Variants in SLCO2B1 observed in about 807,000 individuals in gnomAD.
SLCO2B1 encodes the protein solute carrier organic anion transporter family member 2B1, also known as OATP-RP2.
A neutral mutation model predicts 67.3 loss-of-function variants in SLCO2B1; 41 were observed. The observed-to-expected ratio is 0.61, with a 90% CI of 0.47 to 0.79. The LOEUF is 0.79. Among genes scored for constraint, SLCO2B1 ranks in the 30% least tolerant of loss-of-function variants. The pLI is 0.00. For missense variants in SLCO2B1, 837 were observed against 920.1 expected (o/e 0.91, Z 1.17); for synonymous variants, 379 against 381.4 (o/e 0.99, Z 0.07).
intron 10 of SLCO2B1, among the ~76,000 whole-genome samples, chr11:75,197,856 G>T (rs73488755): frequency 0.13 from 19,706 of 152,148 alleles, 2,722 homozygotes; most frequent in African/African-American, 0.34. Flanking sequence ...TCTTAGGAGG[G>T]CTAAGACCAG....
chr11:75,178,121 A>G (rs1950048880), intron 7 of SLCO2B1, among the ~76,000 whole-genome samples: 1 of 151,674 alleles, frequency 6.6e-6, no homozygotes, highest in Non-Finnish European at 1.5e-5. Context: ...AAAAAACAAA[A>G]CTCCAAACGC....
intron 1 of SLCO2B1, among the ~76,000 whole-genome samples, chr11:75,155,589 C>T (rs1400874832): frequency 6.6e-6 from 1 of 152,174 alleles, no homozygotes; most frequent in African/African-American, 2.4e-5. Flanking sequence ...TCCCAAGTAG[C>T]GGGGATTACA....
intron 2 of SLCO2B1, chr11:75,163,072 G>T (rs1046218879): frequency 3.2e-5 from 9 of 276,968 alleles, no homozygotes; most frequent in African/African-American, 2.0e-4. Context: ...AAACAGAGAA[G>T]TGCCCTGGGG....
intron 1 of SLCO2B1, among the ~76,000 whole-genome samples, chr11:75,153,851 T>C (rs1294110725): frequency 6.6e-6 from 1 of 151,396 alleles, no homozygotes; most frequent in Non-Finnish European, 1.5e-5. Context: ...GAGGAGGAAG[T>C]GGCCCTGCTT....
Position 75,184,163 on chromosome 11 carries a change from G to C in SLCO2B1, c.973-3973G>C, listed in dbSNP as rs149880971. On this transcript the variant is annotated intron_variant, in intron 7 of 13. Coordinates refer to ENST00000289575, the MANE Select transcript of SLCO2B1 (RefSeq NM_007256.5). Reference sequence around the variant, plus strand: ...TTTTTTCCCCCAAAAGCCTGGCATTGGCTATACCCACTTCTGGTTAGAACC... The same window carrying C: ...TTTTTTCCCCCAAAAGCCTGGCATTCGCTATACCCACTTCTGGTTAGAACC... 1.8e-3 allele frequency among the ~76,000 whole-genome samples: 271 copies of C among 152,226 alleles called. 3 individuals are homozygous for C. Among genetic ancestry groups the C allele is most frequent in the African/African-American group, 6.4e-3 (264 of 41,526 alleles).
intron 4 of SLCO2B1, among the ~76,000 whole-genome samples, chr11:75,167,142 C>A (rs1416762956): frequency 1.3e-5 from 2 of 152,076 alleles, no homozygotes; most frequent in African/African-American, 4.8e-5. Flanking sequence ...GAGGAGGTGG[C>A]ACTTGAGCTG....
In SLCO2B1 at chr11:75,169,159, T is replaced by C. The variant is rs1193749731; in HGVS notation, c.449-14T>C. The C allele has an allele frequency of 3.8e-6, 6 of 1,595,934 alleles. No homozygotes were observed. The South Asian group carries it at 5.5e-5, about 15-fold the overall frequency. ...TAGCTATTGTTATAATATTTTTTCA[T>C]TGTCGTCTCTCAGAGGATATGCCAC... On this transcript the variant is annotated splice_polypyrimidine_tract_variant and intron_variant, in intron 4 of 13. Coordinates refer to ENST00000289575, the MANE Select transcript of SLCO2B1 (RefSeq NM_007256.5).
intron 6 of SLCO2B1, among the ~76,000 whole-genome samples, chr11:75,170,788 T>C (rs1011665987): frequency 7.2e-5 from 11 of 152,098 alleles, no homozygotes; most frequent in African/African-American, 2.7e-4. Context: ...CTCCCTCCCC[T>C]GAAAGAAAAG....
At chr11:75,181,618 T>C (rs1950092886) in intron 7 of SLCO2B1, among the ~76,000 whole-genome samples, 1 of 152,098 alleles carries the variant, frequency 6.6e-6, no homozygotes, top group South Asian at 2.1e-4. Flanking sequence ...AGCCTTCTTT[T>C]AATAGGAACT....
intron 7 of SLCO2B1, 128 bp from the exon 8 acceptor site, chr11:75,188,008 T>C (rs1251294725): frequency 8.2e-6 from 5 of 611,412 alleles, no homozygotes; most frequent in Non-Finnish European, 1.2e-5. Flanking sequence ...CAGGCCTCAA[T>C]TGCTCCTGAA....
chr11:75,188,964 G>T (rs1340161771), intron 8 of SLCO2B1, among the ~76,000 whole-genome samples: 2 of 152,194 alleles, frequency 1.3e-5, no homozygotes, highest in African/African-American at 4.8e-5. Context: ...AGGCCATCGG[G>T]AAATTGTCAA....
chr11:75,166,348 C>T (rs778627904), intron 4 of SLCO2B1, among the ~76,000 whole-genome samples: 1 of 152,082 alleles, frequency 6.6e-6, no homozygotes, highest in South Asian at 2.1e-4. Context: ...TGTGTAGTCA[C>T]GCATTTAATC....
At chr11:75,182,506 G>A (rs998884406) in intron 7 of SLCO2B1, among the ~76,000 whole-genome samples, 2 of 152,230 alleles carry the variant, frequency 1.3e-5, no homozygotes, top group Non-Finnish European at 2.9e-5. Flanking sequence ...ACTTTGGGAT[G>A]CCAAGGCGGC....
intron 7 of SLCO2B1, among the ~76,000 whole-genome samples, chr11:75,174,838 A>G (rs2140318645): frequency 6.6e-6 from 1 of 152,226 alleles, no homozygotes; most frequent in South Asian, 2.1e-4. Context: ...ACAGAAGCAA[A>G]GTTTAGGGGT....
intron 7 of SLCO2B1, among the ~76,000 whole-genome samples, chr11:75,185,628 G>A (rs1355364299): frequency 1.3e-5 from 2 of 151,488 alleles, no homozygotes; most frequent in African/African-American, 4.9e-5. Flanking sequence ...CCCAAGAGAG[G>A]GTTCTCGGCT....
chr11:75,186,720 A>C lies in SLCO2B1; in HGVS notation c.973-1416A>C, dbSNP rs557377581. Among the ~76,000 whole-genome samples the C allele has an allele frequency of 6.6e-5, 10 of 152,306 alleles. No individual in the cohort carries two copies. The East Asian group carries it at 1.9e-3, about 29-fold the overall frequency. On this transcript the variant is annotated intron_variant, in intron 7 of 13. Coordinates refer to ENST00000289575, the MANE Select transcript of SLCO2B1 (RefSeq NM_007256.5). ...TGACCTCAGCCTACATAGCAAAATA[A>C]CTAAATTACACTCCACTTGCCCACT...
At chr11:75,163,361 G>T (rs1949846539) in intron 2 of SLCO2B1, among the ~76,000 whole-genome samples, 1 of 152,098 alleles carries the variant, frequency 6.6e-6, no homozygotes. Flanking sequence ...AATTCTCTTA[G>T]AGTTTCAGGA....
At chr11:75,190,126 G>A (rs1252726883) in intron 8 of SLCO2B1, among the ~76,000 whole-genome samples, 1 of 152,216 alleles carries the variant, frequency 6.6e-6, no homozygotes, top group Non-Finnish European at 1.5e-5. Context: ...ATGCTATTAG[G>A]TCCCCGGCAC....
chr11:75,159,866 G>A, intron 1 of SLCO2B1: 8 of 985,846 alleles, frequency 8.1e-6, no homozygotes, highest in Non-Finnish European at 9.6e-6. Context: ...TTCAGGGAGA[G>A]CCAGAGGTGA....
Sources: gnomAD v4.1 joint callset for allele counts (sites outside exome capture counted in the v4.1 genomes callset) on GRCh38, gnomAD v4.1.1 for gene constraint, MANE v1.5 for transcripts, NCBI Gene and HGNC (gene_info 2026-07-23, HGNC 2026-07-21) for gene names.